Variants in TNS1 observed in about 807,000 individuals in gnomAD.
The protein encoded by TNS1 is tensin-1.
TNS1 carries 62 observed loss-of-function variants against 168.6 expected under a neutral mutation model. The ratio of observed to expected loss-of-function variants is 0.37; its 90% CI spans 0.30 to 0.45. TNS1 has a LOEUF of 0.45. TNS1 is among the 20% of genes least tolerant of loss of function. The pLI, the probability that TNS1 is intolerant of heterozygous loss-of-function variation, is 1.00. For missense variants in TNS1, 2,240 were observed against 2,339.4 expected (o/e 0.96, Z 0.88); for synonymous variants, 934 against 933.2 (o/e 1.00, Z -0.02).
At chr2:217,951,615 C>A (rs942775129) in intron 3 of TNS1, among the ~76,000 whole-genome samples, 1 of 152,174 alleles carries the variant, frequency 6.6e-6, no homozygotes, top group Non-Finnish European at 1.5e-5. Context: ...TCTCCTTGAC[C>A]TGACAGGGGC....
At chr2:217,846,923 TA>T (rs1946727059) in intron 19 of TNS1, among the ~76,000 whole-genome samples, 1 of 152,224 alleles carries the variant, frequency 6.6e-6, no homozygotes, top group African/African-American at 2.4e-5. Flanking sequence ...CCCCAGCAGA[TA>T]GAGCCTAAGG....
chr2:217,965,573 G>A lies in TNS1; in HGVS notation c.186+13192C>T, dbSNP rs140192318. ...AACTGAGTCTGAGCCTCCAGGCAGAGCCCAGCAGCAGAGAATGCTAGGTTC... is the reference window on the plus strand; with the variant it reads ...AACTGAGTCTGAGCCTCCAGGCAGAACCCAGCAGCAGAGAATGCTAGGTTC... On this transcript the variant is annotated intron_variant, in intron 3 of 32. Coordinates refer to ENST00000682258, the MANE Select transcript of TNS1 (RefSeq NM_001387777.1). Among the ~76,000 whole-genome samples the A allele has an allele frequency of 2.6e-3, 402 of 152,258 alleles. 2 individuals are homozygous for A. The highest frequency in any genetic ancestry group is 8.9e-3 in the African/African-American group (368 of 41,544).
rs1181712977 is a variant in TNS1, at chr2:217,991,009, G to T, written c.81C>A (p.Thr27=). ...APKTHRFKVK[T]FKKVKPCGIC... Reference sequence around the variant, plus strand: ...TCCCACAGGGCTTCACCTTCTTGAAGGTCTTCACCTTGAAGCGGTGTGTCT... The same window carrying T: ...TCCCACAGGGCTTCACCTTCTTGAATGTCTTCACCTTGAAGCGGTGTGTCT... Residue 27 remains threonine (T), a synonymous_variant, in exon 2 of 33, where the codon ACC becomes ACA. Coordinates refer to ENST00000682258, the MANE Select transcript of TNS1 (RefSeq NM_001387777.1). 1.4e-6 allele frequency: 1 copy of T among 695,184 alleles called. No individual in the cohort carries two copies. The highest frequency in any genetic ancestry group is 2.6e-6 in the Non-Finnish European group (1 of 379,290). The allele number at this position is 695,184 out of a possible 1,614,324, so 43.1% of individuals were successfully genotyped here. A position where few individuals can be genotyped will look rare whatever the true frequency, so the allele number is the denominator to read the frequency against.
At chr2:217,919,406 G>A (rs1043873456) in intron 4 of TNS1, among the ~76,000 whole-genome samples, 1 of 152,226 alleles carries the variant, frequency 6.6e-6, no homozygotes, top group African/African-American at 2.4e-5. Flanking sequence ...CCCGCAAGGT[G>A]TCCTTCCGGG....
chr2:217,856,184 G>A (rs1948113475), intron 18 of TNS1, among the ~76,000 whole-genome samples: 1 of 152,192 alleles, frequency 6.6e-6, no homozygotes, highest in African/African-American at 2.4e-5. Flanking sequence ...GGGAAATGGG[G>A]CGGCACACTG....
chr2:217,919,327 A>C (rs3791916), intron 4 of TNS1, among the ~76,000 whole-genome samples: 1 of 152,048 alleles, frequency 6.6e-6, no homozygotes, highest in African/African-American at 2.4e-5. Flanking sequence ...CAGGACAGCC[A>C]CGCCCCGCCC....
At position 217,848,191 on chromosome 2, in the gene TNS1, G is replaced by T. The variant is rs1477493247; in HGVS notation, c.2326C>A (p.Gln776Lys). The change falls in exon 19 of 33, where the codon CAG becomes AAG. Residue 776 changes from glutamine (Q) to lysine (K), a missense_variant. Around this residue, in one of 2 missense-constraint regions of TNS1, gnomAD observed 2,131 missense variants for 2,171.2 expected, o/e 0.98. Transcript: ENST00000682258. Reference sequence around the variant, plus strand: ...TGCTGCTGCTGCTGCTGCTGCTGCTGCCACGAATTCAGTCCCCTTTGCACA... The same window carrying T: ...TGCTGCTGCTGCTGCTGCTGCTGCTTCCACGAATTCAGTCCCCTTTGCACA... ...EAVQRGLNSW[Q>K]QQQQQQQQPR... 1.2e-6 allele frequency: 2 copies of T among 1,602,576 alleles called. No homozygotes were observed. The highest frequency in any genetic ancestry group is 1.7e-5 in the Admixed American group (1 of 58,970).
At chr2:217,828,072 A>T (rs992401187) in intron 22 of TNS1, among the ~76,000 whole-genome samples, 2 of 152,206 alleles carry the variant, frequency 1.3e-5, no homozygotes, top group African/African-American at 4.8e-5. Flanking sequence ...AGCTAATTCT[A>T]GACTCTCTCT....
chr2:217,811,946 T>C (rs1940991657), intron 28 of TNS1, among the ~76,000 whole-genome samples: 1 of 152,154 alleles, frequency 6.6e-6, no homozygotes, highest in African/African-American at 2.4e-5. Context: ...GCCTTCTCTT[T>C]CCTGAGGCTG....
intron 3 of TNS1, among the ~76,000 whole-genome samples, chr2:217,951,445 C>T (rs944424821): frequency 6.6e-6 from 1 of 152,190 alleles, no homozygotes; most frequent in African/African-American, 2.4e-5. Flanking sequence ...CCTGCCAGCA[C>T]CCCATTGGGT....
intron 4 of TNS1, among the ~76,000 whole-genome samples, chr2:217,917,905 G>C (rs1454045213): frequency 1.3e-5 from 2 of 151,506 alleles, no homozygotes; most frequent in Non-Finnish European, 2.9e-5. Flanking sequence ...ATTCCAGGCA[G>C]GGGGAATAGT....
At chr2:217,822,420 T>C (rs2125203125) in intron 22 of TNS1, among the ~76,000 whole-genome samples, 1 of 152,238 alleles carries the variant, frequency 6.6e-6, no homozygotes, top group East Asian at 1.9e-4. Flanking sequence ...AGAAACAGCC[T>C]TGGCCACCTA....
Position 217,827,922 on chromosome 2 carries a change from G to T in TNS1, c.3373+3533C>A, listed in dbSNP as rs966838785. Among the ~76,000 whole-genome samples the T allele has an allele frequency of 2.0e-5, 3 of 152,226 alleles. No individual in the cohort carries two copies. In the South Asian group the frequency reaches 6.2e-4, roughly 32 times the overall value. On this transcript the variant is annotated intron_variant, in intron 22 of 32. Coordinates refer to ENST00000682258, the MANE Select transcript of TNS1 (RefSeq NM_001387777.1). The stretch of plus-strand genomic sequence containing the variant: ...ATCACCAGGCTCTGCCAGCTTGCTG[G>T]ATAATCCACCCCATGGCCCTTCCCA...
At position 217,831,486 on chromosome 2, in the gene TNS1, G is replaced by A. The variant is rs950733872; in HGVS notation, c.3342C>T (p.Asn1114=). ...TGGGGTGCAACAGGATGTCCGCTGG[G>A]TTGTGAGGTTTCAGGCCCAGAGCAG... ...PLSALGLKPH[N]PADILLHPTG... is the part of the protein sequence containing the mutation. Residue 1114 remains asparagine, a synonymous_variant, in exon 22 of 33, where the codon AAC becomes AAT. Coordinates refer to ENST00000682258, the MANE Select transcript of TNS1 (RefSeq NM_001387777.1). The A allele has an allele frequency of 1.4e-5, 23 of 1,588,810 alleles. No homozygotes were observed. The highest frequency in any genetic ancestry group is 2.0e-5 in the Non-Finnish European group (23 of 1,168,692).
intron 19 of TNS1, among the ~76,000 whole-genome samples, chr2:217,839,867 G>A (rs1945708748): frequency 6.6e-6 from 1 of 152,220 alleles, no homozygotes; most frequent in Admixed American, 6.5e-5. Context: ...GGGGATCCGG[G>A]AGGCCACCTG....
chr2:217,979,528 GAC>G (rs35499293), intron 2 of TNS1, among the ~76,000 whole-genome samples: 133 of 146,588 alleles, frequency 9.1e-4, no homozygotes, highest in Non-Finnish European at 9.6e-4. Context: ...GAAACACACA[GAC>G]ACACACACAC....
In TNS1 at chr2:217,964,472, C is replaced by T. The variant is rs138960798; in HGVS notation, c.186+14293G>A. On this transcript the variant is annotated intron_variant, in intron 3 of 32. Coordinates refer to ENST00000682258, the MANE Select transcript of TNS1 (RefSeq NM_001387777.1). The stretch of plus-strand genomic sequence containing the variant: ...CCCGGTCCTGGTTCCACCACCTTAC[C>T]GGCTGTGTGAGCGCACTGCTCAATC... 9.0e-3 allele frequency among the ~76,000 whole-genome samples: 1,375 copies of T among 152,302 alleles called. 18 individuals carry two copies. Among genetic ancestry groups the T allele is most frequent in the African/African-American group, 0.03 (1,233 of 41,560 alleles).
At chr2:217,945,373 G>C (rs1375311157) in intron 3 of TNS1, among the ~76,000 whole-genome samples, 1 of 152,222 alleles carries the variant, frequency 6.6e-6, no homozygotes, top group African/African-American at 2.4e-5. Context: ...TGTGGGGCCA[G>C]AGCCACAGGG....
At chr2:217,841,880 G>C (rs749900286) in intron 19 of TNS1, among the ~76,000 whole-genome samples, 1 of 152,044 alleles carries the variant, frequency 6.6e-6, no homozygotes, top group Non-Finnish European at 1.5e-5. Context: ...CCCAGCTTCT[G>C]GTCATCACCA....
Sources: allele counts gnomAD v4.1 joint callset (sites outside exome capture counted in the v4.1 genomes callset), GRCh38; gene constraint gnomAD v4.1.1; regional missense constraint gnomAD v4.1.1; transcripts MANE v1.5; gene names NCBI Gene and HGNC (gene_info 2026-07-23, HGNC 2026-07-21).